RIMS2: variants seen among roughly 807,000 people sequenced by gnomAD.
RIMS2 encodes regulating synaptic membrane exocytosis protein 2.
In RIMS2, 59 loss-of-function variants were observed where a neutral mutation model predicts 174.4. The observed-to-expected ratio is 0.34, with a 90% CI of 0.27 to 0.42. The LOEUF (loss-of-function observed/expected upper bound fraction) is 0.42. Ranked by LOEUF, RIMS2 falls within the 10% of genes least tolerant of loss-of-function variation. RIMS2 has a pLI of 1.00. For synonymous variants in RIMS2, 606 were observed against 572.5 expected (o/e 1.06, Z -0.84); for missense variants, 1,620 against 1,666.3 (o/e 0.97, Z 0.48).
At chr8:104,248,533 A>T (rs972673690) in intron 20 of RIMS2, among the ~76,000 whole-genome samples, 168 bp from the exon 27 acceptor site, 1 of 152,230 alleles carries the variant, frequency 6.6e-6, no homozygotes, top group Non-Finnish European at 1.5e-5. Context: ...TGCTGAGAAT[A>T]TGAAGGAAGA....
intron 3 of RIMS2, among the ~76,000 whole-genome samples, chr8:103,839,959 A>G (rs1394960676): frequency 1.3e-5 from 2 of 152,140 alleles, no homozygotes; most frequent in East Asian, 3.9e-4. Context: ...GCTCCATGAA[A>G]CCAATGCTTT....
chr8:104,055,527 CCTTTT>C (rs1353659103), intron 19 of RIMS2, among the ~76,000 whole-genome samples: 1 of 152,028 alleles, frequency 6.6e-6, no homozygotes, highest in African/African-American at 2.4e-5. Flanking sequence ...AATTATTGTA[CCTTTT>C]CTTAGAAGCA....
intron 19 of RIMS2, among the ~76,000 whole-genome samples, chr8:104,061,833 T>A (rs1566110844): frequency 6.6e-6 from 1 of 151,886 alleles, no homozygotes; most frequent in Non-Finnish European, 1.5e-5. Flanking sequence ...CCTTTAGGAA[T>A]TTTTTTCCCA....
chr8:103,628,565 G>A (rs899082808), intron 1 of RIMS2, among the ~76,000 whole-genome samples: 3 of 151,782 alleles, frequency 2.0e-5, no homozygotes, highest in Non-Finnish European at 2.9e-5. Flanking sequence ...TGTTGGTCAG[G>A]CTGGTCTCGA....
downstream of RIMS2, chr8:104,254,651 T>C (rs981476260): frequency 2.0e-5 from 3 of 152,046 alleles, no homozygotes; most frequent in African/African-American, 7.2e-5. Context: ...TTTTAAAAGG[T>C]TGTTATTTTG....
chr8:103,563,307 A>T (rs182722503), intron 1 of RIMS2, among the ~76,000 whole-genome samples: 1 of 152,190 alleles, frequency 6.6e-6, no homozygotes, highest in Admixed American at 6.5e-5. Flanking sequence ...CCCAAGTCAC[A>T]TCTTGAATGT....
At chr8:103,811,151 G>C (rs541828336) in intron 3 of RIMS2, among the ~76,000 whole-genome samples, 1 of 152,132 alleles carries the variant, frequency 6.6e-6, no homozygotes, top group Non-Finnish European at 1.5e-5. Flanking sequence ...TGGAGTTGAA[G>C]CTTATTCATG....
chr8:104,115,663 T>C (rs1167796652), intron 19 of RIMS2, among the ~76,000 whole-genome samples: 1 of 152,094 alleles, frequency 6.6e-6, no homozygotes, highest in Non-Finnish European at 1.5e-5. Context: ...AGTGATATAG[T>C]AGTGGACTGG....
chr8:103,737,416 A>G (rs1270697443), intron 2 of RIMS2, among the ~76,000 whole-genome samples: 3 of 150,648 alleles, frequency 2.0e-5, no homozygotes, highest in Non-Finnish European at 4.4e-5. Context: ...CAAACTCCCA[A>G]CCTCTGGTGG....
intron 19 of RIMS2, among the ~76,000 whole-genome samples, chr8:104,175,611 A>G (rs149010520): frequency 0.013 from 1,983 of 152,306 alleles, 37 homozygotes; most frequent in African/African-American, 0.045. Context: ...GCAATAAGAA[A>G]CACAATGACT....
At chr8:103,599,414 A>G (rs2094607055) in intron 1 of RIMS2, among the ~76,000 whole-genome samples, 1 of 147,638 alleles carries the variant, frequency 6.8e-6, no homozygotes, top group African/African-American at 2.5e-5. Context: ...ATATTTTAAT[A>G]TATAAATAAA....
chr8:104,110,167 T>C (rs953277490), intron 19 of RIMS2, among the ~76,000 whole-genome samples: 4 of 152,150 alleles, frequency 2.6e-5, no homozygotes, highest in Admixed American at 2.0e-4. Flanking sequence ...GAAGCTCAGA[T>C]TGATGGAAAA....
chr8:103,924,297 T>C (rs1052369870), intron 10 of RIMS2, among the ~76,000 whole-genome samples: 3 of 151,722 alleles, frequency 2.0e-5, no homozygotes, highest in Non-Finnish European at 3.0e-5. Flanking sequence ...ACATCAGGTA[T>C]AGTGCTAGTC....
chr8:103,576,593 CAA>C (rs2093258343), intron 1 of RIMS2, among the ~76,000 whole-genome samples: 3 of 151,786 alleles, frequency 2.0e-5, no homozygotes, highest in Admixed American at 2.0e-4. Flanking sequence ...CATATAAAAA[CAA>C]AAAAAGAGCC....
chr8:103,690,336 G>GT (rs1300406233), intron 1 of RIMS2, among the ~76,000 whole-genome samples: 2 of 152,006 alleles, frequency 1.3e-5, no homozygotes, highest in Non-Finnish European at 2.9e-5. Context: ...CTGCCATTTT[G>GT]TTTTTTATGG....
At chr8:104,212,962 A>G (rs1218964558) in intron 19 of RIMS2, among the ~76,000 whole-genome samples, 3 of 151,998 alleles carry the variant, frequency 2.0e-5, no homozygotes, top group Non-Finnish European at 2.9e-5. Flanking sequence ...CTTTAACTCA[A>G]TTTTTTCTTT....
intron 19 of RIMS2, 111 bp downstream of exon 21, chr8:104,014,726 C>T (rs1372349404): frequency 1.7e-6 from 1 of 575,822 alleles, no homozygotes; most frequent in African/African-American, 1.9e-5. Flanking sequence ...AATTGTATGC[C>T]TTGTCTGTAT....
chr8:103,918,627 T>G (rs1273782280), intron 9 of RIMS2, 140 bp downstream of exon 12: 1 of 637,168 alleles, frequency 1.6e-6, no homozygotes, highest in East Asian at 2.7e-5. Flanking sequence ...AGATGGAAAA[T>G]TTAGTATTAT....
intron 1 of RIMS2, among the ~76,000 whole-genome samples, chr8:103,651,319 T>C (rs2096448569): frequency 6.6e-6 from 1 of 152,206 alleles, no homozygotes; most frequent in Non-Finnish European, 1.5e-5. Flanking sequence ...GATATTTCAG[T>C]TGAAGGTGCT....
Sources: allele counts gnomAD v4.1 joint callset (sites outside exome capture counted in the v4.1 genomes callset), GRCh38; gene constraint gnomAD v4.1.1; transcripts MANE v1.5; gene names NCBI Gene and HGNC (gene_info 2026-07-23, HGNC 2026-07-21).